The following GATAD2B variants were observed in gnomAD, a reference collection of about 807,000 sequenced individuals.
The protein encoded by GATAD2B is transcriptional repressor p66-beta.
Under a neutral mutation model 64.3 loss-of-function variants are expected in GATAD2B, and 8 were observed. That is an observed-to-expected ratio of 0.12 (90% confidence interval 0.07 to 0.22). GATAD2B has a LOEUF of 0.22. GATAD2B is among the 10% of genes least tolerant of loss of function. The pLI is 1.00. For missense variants in GATAD2B, 453 were observed against 752.0 expected (o/e 0.60, Z 4.65); for synonymous variants, 281 against 271.3 (o/e 1.04, Z -0.35).
At chr1:153,829,966 C>T (rs779513918) in intron 1 of GATAD2B, among the ~76,000 whole-genome samples, 4 of 151,704 alleles carry the variant, frequency 2.6e-5, no homozygotes, top group Non-Finnish European at 4.4e-5. Context: ...CATGGTGGAG[C>T]TTTCATGTAG....
chr1:153,922,056 GTGCCCACATAGCCTGAGACAATTCTCT>G (rs1284181182), intron 1 of GATAD2B: 1 of 152,300 alleles, frequency 6.6e-6, no homozygotes, highest in African/African-American at 2.4e-5. Flanking sequence ...TAGAAGCTAA[GTGCCCACATAGCCTGAGACAATTCTCT>G]TCCCCTACGG....
chr1:153,818,211 C>T (rs748699504), intron 4 of GATAD2B, 40 bp from the exon 5 acceptor site: 1 of 1,540,148 alleles, frequency 6.5e-7, no homozygotes, highest in Non-Finnish European at 8.8e-7. Context: ...GGCCAATAAT[C>T]ACAGGTGGAA....
intron 1 of GATAD2B, among the ~76,000 whole-genome samples, chr1:153,862,898 A>G (rs1236440491): frequency 6.6e-6 from 1 of 151,544 alleles, no homozygotes; most frequent in African/African-American, 2.4e-5. Context: ...CTAATTTTGT[A>G]TTTTTAGTAG....
At chr1:153,919,655 CTTATA>C (rs897401247) in intron 1 of GATAD2B, among the ~76,000 whole-genome samples, 68 of 152,230 alleles carry the variant, frequency 4.5e-4, no homozygotes, top group African/African-American at 1.5e-3. Context: ...ACTGAACTTC[CTTATA>C]TATCTTTTCC....
chr1:153,815,703 AGATAGATTAGATAGAT>A (rs1232390907), intron 7 of GATAD2B, among the ~76,000 whole-genome samples: 111 of 152,274 alleles, frequency 7.3e-4, no homozygotes, highest in African/African-American at 2.5e-3. Context: ...AGAATAGAAT[AGATAGATTAGATAGAT>A]GATAGATTAG....
intron 1 of GATAD2B, among the ~76,000 whole-genome samples, chr1:153,837,739 C>T (rs190995349): frequency 6.6e-6 from 1 of 152,044 alleles, no homozygotes; most frequent in African/African-American, 2.4e-5. Flanking sequence ...AAAAATTCTA[C>T]AGTTAAATTA....
chr1:153,819,422 G>A (rs939562117), intron 3 of GATAD2B, among the ~76,000 whole-genome samples, 184 bp downstream of exon 3: 2 of 152,056 alleles, frequency 1.3e-5, no homozygotes, highest in South Asian at 2.1e-4. Flanking sequence ...TCAAACTGTC[G>A]TCTCCACTTG....
intron 1 of GATAD2B, among the ~76,000 whole-genome samples, chr1:153,884,458 C>T (rs555811909): frequency 1.3e-5 from 2 of 150,278 alleles, no homozygotes; most frequent in African/African-American, 2.5e-5. Context: ...AAAAATTAGC[C>T]GGGCATGGTG....
At chr1:153,852,728 T>C in intron 1 of GATAD2B, 1 of 935,402 alleles carries the variant, frequency 1.1e-6, no homozygotes, top group Non-Finnish European at 1.8e-6. Context: ...AAGTGAAGCT[T>C]GGTAGACAGG....
Position 153,922,345 on chromosome 1 carries a change from G to A in GATAD2B, c.-2+388C>T, listed in dbSNP as rs151287239. ...GAAAGGAGGGGAGCATGGCGGGCAT[G>A]AGGCAGGGAGTGAAAGCGGGGATGG... is the stretch of plus-strand genomic sequence containing the variant. On this transcript the variant is annotated intron_variant, in intron 1 of 10. Transcript: ENST00000368655. Among the ~76,000 whole-genome samples, 184 of 150,356 alleles carry A rather than the reference G, an allele frequency of 1.2e-3. 2 individuals are homozygous for A. The highest frequency in any genetic ancestry group is 2.1e-3 in the South Asian group (10 of 4,722).
intron 1 of GATAD2B, among the ~76,000 whole-genome samples, chr1:153,835,472 C>CAAA (rs111567499): frequency 7.5e-6 from 1 of 133,518 alleles, no homozygotes; most frequent in African/African-American, 2.7e-5. Context: ...CCTGTAATCT[C>CAAA]AAAAAAAAAA....
At position 153,808,056 on chromosome 1, in the gene GATAD2B, A is replaced by G. The variant is rs1453951901; in HGVS notation, c.*2121T>C. 4 of 151,832 alleles carry G rather than the reference A, an allele frequency of 2.6e-5. No homozygotes were observed. The highest frequency in any genetic ancestry group is 4.4e-5 in the Non-Finnish European group (3 of 67,960). 9.4% of individuals were successfully genotyped at this position (151,832 alleles called of 1,614,324 possible). A position where few individuals can be genotyped will look rare whatever the true frequency, so the allele number is the denominator to read the frequency against. On this transcript the variant is annotated 3_prime_UTR_variant, in exon 11 of 11. Coordinates refer to ENST00000368655, the MANE Select transcript of GATAD2B (RefSeq NM_020699.4). ...GGGCAAAGAAAAGATGTAAGAATATATCTTTATATATATATATATAATTTT... is the reference window on the plus strand; with the variant it reads ...GGGCAAAGAAAAGATGTAAGAATATGTCTTTATATATATATATATAATTTT...
chr1:153,857,273 C>G (rs1676119407), intron 1 of GATAD2B, among the ~76,000 whole-genome samples: 1 of 151,952 alleles, frequency 6.6e-6, no homozygotes, highest in Non-Finnish European at 1.5e-5. Context: ...TAGTGAAACC[C>G]TGTCTCCACC....
At chr1:153,882,758 T>A (rs946222175) in intron 1 of GATAD2B, among the ~76,000 whole-genome samples, 2 of 152,172 alleles carry the variant, frequency 1.3e-5, no homozygotes, top group Non-Finnish European at 2.9e-5. Context: ...TATGTCATTC[T>A]ATAGACAAAT....
intron 1 of GATAD2B, among the ~76,000 whole-genome samples, chr1:153,894,427 C>T (rs548470382): frequency 2.6e-5 from 4 of 151,828 alleles, no homozygotes; most frequent in South Asian, 4.2e-4. Context: ...GAATTCGTGC[C>T]GCCGCACTCC....
chr1:153,823,879 G>A lies in GATAD2B; in HGVS notation c.335+4134C>T, dbSNP rs187668765. Among the ~76,000 whole-genome samples, 965 of 151,956 alleles carry A rather than the reference G, an allele frequency of 6.4e-3. 5 individuals carry two copies. Among genetic ancestry groups the A allele is most frequent in the Non-Finnish European group, 0.011 (722 of 67,956 alleles). The stretch of plus-strand genomic sequence containing the variant: ...CAAGTAGCTAGGATTACAGGCACCC[G>A]CCACCACGCCTGGCTAATTTTTGTA... On this transcript the variant is annotated intron_variant, in intron 2 of 10. Coordinates refer to ENST00000368655, the MANE Select transcript of GATAD2B (RefSeq NM_020699.4).
chr1:153,816,264 C>G lies in GATAD2B; in HGVS notation c.1216+9G>C. 1 of 1,592,196 alleles carries G rather than the reference C, an allele frequency of 6.3e-7. No individual in the cohort carries two copies. The highest frequency in any genetic ancestry group is 8.6e-7 in the Non-Finnish European group (1 of 1,161,324). On this transcript the variant is annotated intron_variant, in intron 7 of 10. Transcript: ENST00000368655. The surrounding 1 kb of genome is among the most constrained non-coding windows in gnomAD (Gnocchi z 4.9). ...GCTTAAATAGATTGATTAGAAGAAA[C>G]AGCCTTACCTTGGCTGTCAATGACA...
At chr1:153,886,867 G>C (rs1018894973) in intron 1 of GATAD2B, among the ~76,000 whole-genome samples, 2 of 151,984 alleles carry the variant, frequency 1.3e-5, no homozygotes, top group Non-Finnish European at 2.9e-5. Flanking sequence ...CCGAAAAATA[G>C]CTGTTTTTTT....
intron 1 of GATAD2B, among the ~76,000 whole-genome samples, chr1:153,892,329 G>C (rs564701646): frequency 6.6e-6 from 1 of 152,058 alleles, no homozygotes; most frequent in Non-Finnish European, 1.5e-5. Flanking sequence ...ACACACTAAA[G>C]GCTAAAGATC....
Sources: gnomAD v4.1 joint callset for allele counts (sites outside exome capture counted in the v4.1 genomes callset) on GRCh38, gnomAD v4.1.1 for gene constraint, Gnocchi (gnomAD v3.1) non-coding constraint, MANE v1.5 for transcripts, NCBI Gene and HGNC (gene_info 2026-07-23, HGNC 2026-07-21) for gene names.